COL11A1: variants seen among roughly 807,000 people sequenced by gnomAD.
The protein encoded by COL11A1 is collagen alpha-1(XI) chain.
A neutral mutation model predicts 265.2 loss-of-function variants in COL11A1; 74 were observed. The ratio of observed to expected loss-of-function variants is 0.28; its 90% CI spans 0.23 to 0.34. COL11A1 has a LOEUF of 0.34. Ranked by LOEUF, COL11A1 falls within the 10% of genes least tolerant of loss-of-function variation. The probability of loss-of-function intolerance (pLI) is 1.00; values close to 1 mark genes in which losing one functional copy is unlikely to be tolerated. For missense variants in COL11A1, 2,165 were observed against 2,263.6 expected (o/e 0.96, Z 0.88); for synonymous variants, 816 against 727.6 (o/e 1.12, Z -1.96).
At position 102,898,971 on chromosome 1, in the gene COL11A1, T is replaced by C. The variant is rs1458637955; in HGVS notation, c.4110A>G (p.Ala1370=). The C allele has an allele frequency of 6.4e-7, 1 of 1,553,038 alleles. No individual in the cohort carries two copies. Among genetic ancestry groups the C allele is most frequent in the East Asian group, 2.3e-5 (1 of 43,306 alleles). ...CACCTTTTTCACCTTGTCTTCCCTC[T>C]GCACCTGCAGCTCCAGGAGGACCCT... The part of the protein sequence containing the change: ...GKRGPPGAAG[A]EGRQGEKGAK... The change falls in exon 55 of 67, where the codon GCA becomes GCG. Residue 1370 remains alanine (A), a synonymous_variant. Coordinates refer to ENST00000370096, the MANE Select transcript of COL11A1 (RefSeq NM_001854.4).
In COL11A1 at chr1:102,898,958, C is replaced by A; in HGVS notation, c.4123G>T (p.Gly1375Cys). Residue 1375 changes from glycine to cysteine, a missense_variant, in exon 55 of 67, where the codon GGT (glycine) becomes TGT (cysteine). Physicochemically the swap from Gly to Cys is radical, Grantham distance 159 (BLOSUM62 -3). Transcript: ENST00000370096. ...TTTTTTACCTTAGCACCTTTTTCAC[C>A]TTGTCTTCCCTCTGCACCTGCAGCT... ...PGAAGAEGRQ[G>C]EKGAKGEAGA... 2.0e-6 allele frequency: 3 copies of A among 1,529,880 alleles called. No individual in the cohort carries two copies. Among genetic ancestry groups the A allele is most frequent in the Non-Finnish European group, 2.7e-6 (3 of 1,129,152 alleles). The allele number at this position is 1,529,880 out of a possible 1,614,324, so 94.8% of individuals were successfully genotyped here.
chr1:103,077,632 A>G (rs1400894614), intron 3 of COL11A1, among the ~76,000 whole-genome samples: 1 of 152,134 alleles, frequency 6.6e-6, no homozygotes, highest in East Asian at 1.9e-4. Flanking sequence ...TCTTATAGCT[A>G]TAACCAAATG....
At chr1:102,891,408 C>T (rs1391942697) in intron 57 of COL11A1, among the ~76,000 whole-genome samples, 1 of 151,454 alleles carries the variant, frequency 6.6e-6, no homozygotes, top group Non-Finnish European at 1.5e-5. Flanking sequence ...TATAAATATA[C>T]TTCTATTTCA....
intron 41 of COL11A1, among the ~76,000 whole-genome samples, chr1:102,948,009 A>T (rs1659495568): frequency 6.6e-6 from 1 of 151,882 alleles, no homozygotes; most frequent in Admixed American, 6.6e-5. Flanking sequence ...TTCAAAACTC[A>T]GAGAAAATTA....
At chr1:102,983,159 A>G (rs945856168) in intron 31 of COL11A1, among the ~76,000 whole-genome samples, 7 of 152,018 alleles carry the variant, frequency 4.6e-5, no homozygotes, top group Non-Finnish European at 1.0e-4. Flanking sequence ...ATCCTTAACA[A>G]AGTTTTATGA....
intron 1 of COL11A1, 147 bp from the exon 2 acceptor site, chr1:103,083,119 G>C (rs1672546872): frequency 1.4e-6 from 1 of 695,216 alleles, no homozygotes; most frequent in Admixed American, 2.7e-5. Context: ...GTGGGAGTTT[G>C]GAGAGTGGGG....
chr1:103,020,952 A>T (rs1461052849), intron 9 of COL11A1, among the ~76,000 whole-genome samples: 4 of 138,404 alleles, frequency 2.9e-5, no homozygotes, highest in African/African-American at 7.8e-5. Context: ...AACAGAACAG[A>T]GCCCTCAGAA....
At chr1:102,931,388 T>C (rs1426827664) in intron 46 of COL11A1, among the ~76,000 whole-genome samples, 1 of 148,346 alleles carries the variant, frequency 6.7e-6, no homozygotes, top group Non-Finnish European at 1.5e-5. Flanking sequence ...TCAGTTTCCA[T>C]GTAGTTGAGC....
intron 28 of COL11A1, among the ~76,000 whole-genome samples, chr1:102,989,875 C>T (rs1266886743): frequency 6.6e-6 from 1 of 152,028 alleles, no homozygotes; most frequent in African/African-American, 2.4e-5. Flanking sequence ...GTATTCTATA[C>T]TGGTTAAACA....
intron 14 of COL11A1, among the ~76,000 whole-genome samples, chr1:103,011,437 A>G (rs1666120266): frequency 6.6e-6 from 1 of 152,084 alleles, no homozygotes; most frequent in Non-Finnish European, 1.5e-5. Flanking sequence ...ATATGATTGA[A>G]TGTATATTCC....
chr1:103,069,265 C>T (rs566757546), intron 4 of COL11A1, among the ~76,000 whole-genome samples: 1 of 151,728 alleles, frequency 6.6e-6, no homozygotes, highest in South Asian at 2.1e-4. Flanking sequence ...AATTGGTAGT[C>T]AATTAATTTC....
intron 4 of COL11A1, among the ~76,000 whole-genome samples, chr1:103,061,637 C>A (rs900278941): frequency 6.6e-6 from 1 of 151,722 alleles, no homozygotes; most frequent in East Asian, 1.9e-4. Flanking sequence ...GGATTGAAGA[C>A]AAAATCTCAG....
intron 52 of COL11A1, 56 bp downstream of exon 52, chr1:102,914,296 C>T (rs992350168): frequency 1.5e-6 from 2 of 1,352,348 alleles, no homozygotes; most frequent in South Asian, 1.2e-5. Context: ...ATTAACAATA[C>T]AGAAATTGGA....
chr1:102,901,330 A>C (rs1298279435), intron 54 of COL11A1, among the ~76,000 whole-genome samples: 1 of 151,858 alleles, frequency 6.6e-6, no homozygotes, highest in Non-Finnish European at 1.5e-5. Context: ...AAAAAAAAAA[A>C]AAAAAAACTG....
intron 1 of COL11A1, among the ~76,000 whole-genome samples, chr1:103,105,959 C>G (rs908591206): frequency 6.6e-6 from 1 of 152,176 alleles, no homozygotes; most frequent in Non-Finnish European, 1.5e-5. Context: ...TAAACTACCA[C>G]TTAACTTTCA....
intron 30 of COL11A1, 39 bp from the exon 31 acceptor site, chr1:102,984,230 A>G: frequency 7.7e-7 from 1 of 1,293,722 alleles, no homozygotes; most frequent in Non-Finnish European, 1.1e-6. Flanking sequence ...TAATATTTTA[A>G]GTTGAATTAA....
Position 102,880,064 on chromosome 1 carries a change from C to T in COL11A1, c.5041-148G>A, listed in dbSNP as rs531789696. Reference sequence around the variant, plus strand: ...CCTTAACCTAATGAAAAAAAGTGTACATTGAGGGTCAGAAGACCCAGAGAC... The same window carrying T: ...CCTTAACCTAATGAAAAAAAGTGTATATTGAGGGTCAGAAGACCCAGAGAC... On this transcript the variant is annotated intron_variant, in intron 65 of 66. Coordinates refer to ENST00000370096, the MANE Select transcript of COL11A1 (RefSeq NM_001854.4). 1.5e-3 allele frequency: 920 copies of T among 627,902 alleles called. 17 individuals carry two copies. In the South Asian group the frequency reaches 0.017, roughly 12 times the overall value. 38.9% of individuals were successfully genotyped at this position (627,902 alleles called of 1,614,324 possible). A position where few individuals can be genotyped will look rare whatever the true frequency, so the allele number is the denominator to read the frequency against.
chr1:103,036,518 A>T (rs1668385318), intron 4 of COL11A1, among the ~76,000 whole-genome samples: 1 of 151,238 alleles, frequency 6.6e-6, no homozygotes, highest in Non-Finnish European at 1.5e-5. Context: ...AATCCTGCCA[A>T]CTTTTCCAAT....
chr1:103,051,566 C>T (rs1669830384), intron 4 of COL11A1, among the ~76,000 whole-genome samples: 2 of 152,172 alleles, frequency 1.3e-5, no homozygotes, highest in Non-Finnish European at 2.9e-5. Flanking sequence ...TAAGGTGATG[C>T]CTCGCCTTGC....
Sources: allele counts gnomAD v4.1 joint callset (sites outside exome capture counted in the v4.1 genomes callset), GRCh38; gene constraint gnomAD v4.1.1; transcripts MANE v1.5; gene names NCBI Gene and HGNC (gene_info 2026-07-23, HGNC 2026-07-21).